CA4: variants seen among roughly 807,000 people sequenced by gnomAD.
The protein encoded by CA4 is CA-IV.
In CA4, 24 loss-of-function variants were observed where a neutral mutation model predicts 34.5. The observed-to-expected ratio is 0.70, with a 90% CI of 0.50 to 0.98. The LOEUF (loss-of-function observed/expected upper bound fraction) is 0.98, where lower values mean the gene tolerates loss of function less well. Ranked by LOEUF, CA4 falls within the 50% of genes least tolerant of loss-of-function variation. The pLI is 0.00. For missense variants in CA4, 394 were observed against 396.7 expected (o/e 0.99, Z 0.06); for synonymous variants, 178 against 170.6 (o/e 1.04, Z -0.34).
intron 2 of CA4, 107 bp downstream of exon 2, chr17:60,155,474 C>A: frequency 2.6e-6 from 2 of 760,712 alleles, no homozygotes; most frequent in Non-Finnish European, 4.5e-6. Flanking sequence ...TGGTGGCTTC[C>A]CAGGCAGATA....
intron 5 of CA4, among the ~76,000 whole-genome samples, chr17:60,165,331 G>T (rs1851678456): frequency 6.6e-6 from 1 of 152,146 alleles, no homozygotes; most frequent in African/African-American, 2.4e-5. Flanking sequence ...TACAGAGGAA[G>T]ATCTCCCAGC....
chr17:60,161,735 A>G (rs1048688154), downstream of CA4, among the ~76,000 whole-genome samples: 1 of 151,444 alleles, frequency 6.6e-6, no homozygotes, highest in Non-Finnish European at 1.5e-5. Context: ...TTCCCTGGTG[A>G]CCACGCAGCT....
chr17:60,175,910 G>A, the CA4 span, among the ~76,000 whole-genome samples: 8 of 149,872 alleles, frequency 5.3e-5, no homozygotes, highest in Non-Finnish European at 8.9e-5. Flanking sequence ...TCTGCCTCCC[G>A]GGTTCAAGCA....
At chr17:60,174,388 C>T (rs2145319318), downstream of CA4, among the ~76,000 whole-genome samples, 2 of 149,496 alleles carry the variant, frequency 1.3e-5, 1 homozygote, top group South Asian at 4.2e-4. Flanking sequence ...GGGTTTCTGG[C>T]TTCTCTTCAT....
downstream of CA4, among the ~76,000 whole-genome samples, chr17:60,173,219 A>C (rs538540035): frequency 5.1e-4 from 77 of 152,364 alleles, no homozygotes; most frequent in African/African-American, 1.7e-3. Flanking sequence ...ATTTATACAA[A>C]CCATAGAAAA....
At chr17:60,158,815 C>A in intron 7 of CA4, 1 of 415,444 alleles carries the variant, frequency 2.4e-6, no homozygotes, top group Admixed American at 3.8e-5. Context: ...GAGTCAACAT[C>A]ATCACTGGGG....
intron 5 of CA4, among the ~76,000 whole-genome samples, chr17:60,170,113 T>C (rs183566557): frequency 6.6e-6 from 1 of 152,198 alleles, no homozygotes; most frequent in Non-Finnish European, 1.5e-5. Context: ...GGTGTCCAGA[T>C]GGACATGTGG....
At position 60,158,470 on chromosome 17, in the gene CA4, A is replaced by C. The variant is rs200131745; in HGVS notation, c.744+24A>C. ...AGGTGCACAGGGCCTGGGGCAGGGC[A>C]TGGGCTCCCACTGCCTGGCTCCCCA... On this transcript the variant is annotated intron_variant, in intron 7 of 7. Transcript: ENST00000300900. The C allele has an allele frequency of 2.1e-5, 34 of 1,611,156 alleles. No homozygotes were observed. The East Asian group carries it at 4.9e-4, about 23-fold the overall frequency.
downstream of CA4, among the ~76,000 whole-genome samples, chr17:60,172,488 T>C (rs1189823343): frequency 3.3e-5 from 5 of 152,162 alleles, no homozygotes; most frequent in African/African-American, 1.2e-4. Flanking sequence ...AAGTGGATTG[T>C]GAATATGAAA....
chr17:60,155,654 ACACT>A (rs1199235280), intron 2 of CA4, among the ~76,000 whole-genome samples: 1 of 151,360 alleles, frequency 6.6e-6, no homozygotes, highest in Non-Finnish European at 1.5e-5. Context: ...ACACACACTC[ACACT>A]CACACAAACC....
At chr17:60,155,391 C>T (rs1332976564) in intron 2 of CA4, 24 bp downstream of exon 2, 1 of 1,590,108 alleles carries the variant, frequency 6.3e-7, no homozygotes, top group Admixed American at 1.7e-5. Flanking sequence ...GTCCAGGGGA[C>T]TGCTCTTTGT....
chr17:60,174,850 C>T (rs1376117853), downstream of CA4, among the ~76,000 whole-genome samples: 1 of 152,228 alleles, frequency 6.6e-6, no homozygotes, highest in Non-Finnish European at 1.5e-5. Flanking sequence ...CATCTACTTG[C>T]TCCAATTCAA....
intron 2 of CA4, 55 bp from the exon 3 acceptor site, chr17:60,156,505 G>A: frequency 3.8e-6 from 6 of 1,581,634 alleles, no homozygotes; most frequent in Non-Finnish European, 5.2e-6. Flanking sequence ...GGTGGTGGGG[G>A]CTACACCTTG....
downstream of CA4, among the ~76,000 whole-genome samples, chr17:60,173,880 G>C (rs771609489): frequency 6.6e-6 from 1 of 152,220 alleles, no homozygotes; most frequent in African/African-American, 2.4e-5. Flanking sequence ...GGCTGATTCC[G>C]ATGATGCCGA....
chr17:60,172,207 G>A (rs928892283), downstream of CA4, among the ~76,000 whole-genome samples: 2 of 152,132 alleles, frequency 1.3e-5, no homozygotes, highest in Non-Finnish European at 2.9e-5. Flanking sequence ...GAGAAGCCCC[G>A]TCCCCTTATC....
chr17:60,155,303 C>A lies in CA4; in HGVS notation c.59-11C>A. The A allele has an allele frequency of 6.2e-7, 1 of 1,611,182 alleles. No homozygotes were observed. The highest frequency in any genetic ancestry group is 8.5e-7 in the Non-Finnish European group (1 of 1,178,736). On this transcript the variant is annotated splice_polypyrimidine_tract_variant and intron_variant, in intron 1 of 7. Transcript: ENST00000300900. ...CGCACGCACACTTCACACCCTTCCT[C>A]TCTGCTCCAGAGTCACACTGGTGCT...
At chr17:60,177,422 T>TA in the CA4 span, among the ~76,000 whole-genome samples, 1 of 152,230 alleles carries the variant, frequency 6.6e-6, no homozygotes, top group Admixed American at 6.5e-5. Context: ...ATACAGTAAT[T>TA]TACAAGGTGA....
At chr17:60,164,110 A>C (rs1242363094), downstream of CA4, among the ~76,000 whole-genome samples, 1 of 151,384 alleles carries the variant, frequency 6.6e-6, no homozygotes, top group Non-Finnish European at 1.5e-5. Context: ...CCCTGTCTCA[A>C]AAAAGGAAAA....
chr17:60,158,822 G>C (rs1275506394), intron 7 of CA4: 1 of 411,442 alleles, frequency 2.4e-6, no homozygotes, highest in Non-Finnish European at 4.5e-6. Flanking sequence ...CATCATCACT[G>C]GGGGAATTTG....
Sources: gnomAD v4.1 joint callset for allele counts (sites outside exome capture counted in the v4.1 genomes callset) on GRCh38, gnomAD v4.1.1 for gene constraint, MANE v1.5 for transcripts, NCBI Gene and HGNC (gene_info 2026-07-23, HGNC 2026-07-21) for gene names.